SPIDR: variants seen among roughly 807,000 people sequenced by gnomAD.
The protein encoded by SPIDR is DNA repair-scaffolding protein.
A neutral mutation model predicts 104.6 loss-of-function variants in SPIDR; 93 were observed. That is an observed-to-expected ratio of 0.89 (90% confidence interval 0.75 to 1.06). SPIDR has a LOEUF of 1.06. Among genes scored for constraint, SPIDR ranks in the 50% least tolerant of loss-of-function variants. SPIDR has a pLI of 0.00. For missense variants in SPIDR, 1,154 were observed against 1,111.2 expected (o/e 1.04, Z -0.55); for synonymous variants, 431 against 416.9 (o/e 1.03, Z -0.41).
At chr8:47,565,060 A>G (rs1398527126) in intron 8 of SPIDR, among the ~76,000 whole-genome samples, 1 of 152,150 alleles carries the variant, frequency 6.6e-6, no homozygotes, top group Non-Finnish European at 1.5e-5. Context: ...CAGCCTGACC[A>G]ACATGGAGAA....
intron 8 of SPIDR, among the ~76,000 whole-genome samples, chr8:47,490,788 T>G (rs1391508283): frequency 1.3e-5 from 2 of 151,982 alleles, no homozygotes; most frequent in Non-Finnish European, 2.9e-5. Flanking sequence ...TAGGTGAGAA[T>G]TGGAAAATGA....
Position 47,326,512 on chromosome 8 carries a change from C to G in SPIDR, c.525+32482C>G, listed in dbSNP as rs552994987. ...TTCAAAAGTGAATAATTCAGTGGCA[C>G]TTGGTGGATTCACAAAGTTTTGCAA... On this transcript the variant is annotated intron_variant, in intron 5 of 19. Transcript: ENST00000297423. Among the ~76,000 whole-genome samples the G allele has an allele frequency of 1.4e-4, 22 of 152,328 alleles. No individual in the cohort carries two copies. In the South Asian group the frequency reaches 4.6e-3, roughly 32 times the overall value.
intron 5 of SPIDR, among the ~76,000 whole-genome samples, chr8:47,347,905 T>C: frequency 6.6e-6 from 1 of 152,188 alleles, no homozygotes. Flanking sequence ...CTATCCAATT[T>C]GCTCGTCTGT....
chr8:47,689,197 C>T (rs1028500026), intron 11 of SPIDR, among the ~76,000 whole-genome samples: 5 of 152,174 alleles, frequency 3.3e-5, no homozygotes, highest in African/African-American at 1.2e-4. Flanking sequence ...TGTAACTGGA[C>T]TTGTTTTCAT....
rs781932865 is a variant in SPIDR, at chr8:47,396,496, G to A, written c.646G>A (p.Ala216Thr). The A allele has an allele frequency of 4.3e-6, 7 of 1,614,018 alleles. No homozygotes were observed. Among genetic ancestry groups the A allele is most frequent in the Non-Finnish European group, 5.9e-6 (7 of 1,180,022 alleles). Residue 216 changes from alanine (A) to threonine (T), a missense_variant, in exon 6 of 20, where the codon GCA (alanine) becomes ACA (threonine). Physicochemically the swap from Ala to Thr is moderately conservative, Grantham distance 58 (BLOSUM62 0). Transcript: ENST00000297423. ...ATACCACGTGCAGTTTGCATCGGAT[G>A]CAAGACAGATTATGGAGAGACTGAT... ...HKYHVQFASD[A>T]RQIMERLIDP...
intron 5 of SPIDR, among the ~76,000 whole-genome samples, chr8:47,310,401 C>A (rs1386250870): frequency 6.7e-6 from 1 of 149,154 alleles, no homozygotes; most frequent in Non-Finnish European, 1.5e-5. Flanking sequence ...ATAAACAATT[C>A]TTTGGAGTTG....
intron 19 of SPIDR, among the ~76,000 whole-genome samples, 166 bp from the exon 20 acceptor site, chr8:47,735,141 C>T (rs946332305): frequency 2.7e-5 from 4 of 150,288 alleles, no homozygotes; most frequent in Admixed American, 1.3e-4. Flanking sequence ...TGTGTAGTGG[C>T]TCTTCATTTG....
intron 5 of SPIDR, among the ~76,000 whole-genome samples, chr8:47,364,160 A>G (rs952106411): frequency 6.6e-6 from 1 of 152,230 alleles, no homozygotes; most frequent in Admixed American, 6.5e-5. Context: ...TATTTTGTAC[A>G]TTTTGCCTAG....
intron 8 of SPIDR, among the ~76,000 whole-genome samples, chr8:47,583,969 CCT>C (rs1478331450): frequency 6.6e-6 from 1 of 152,198 alleles, no homozygotes; most frequent in African/African-American, 2.4e-5. Context: ...TTCCCAGTCC[CCT>C]GTCACCGTGT....
At chr8:47,700,811 A>G (rs1202748900) in intron 12 of SPIDR, among the ~76,000 whole-genome samples, 1 of 152,244 alleles carries the variant, frequency 6.6e-6, no homozygotes, top group East Asian at 1.9e-4. Flanking sequence ...TAAAGTAAAC[A>G]TATAGAATTT....
At chr8:47,628,873 A>G (rs1049296244) in intron 10 of SPIDR, among the ~76,000 whole-genome samples, 7 of 152,220 alleles carry the variant, frequency 4.6e-5, no homozygotes, top group Non-Finnish European at 7.3e-5. Flanking sequence ...CAACTTAGCC[A>G]ATATTCTCAA....
chr8:47,339,931 G>A (rs531233984), intron 5 of SPIDR, among the ~76,000 whole-genome samples: 10 of 151,794 alleles, frequency 6.6e-5, no homozygotes, highest in South Asian at 2.1e-4. Context: ...CACCTGCCTC[G>A]GCCTCCCAAA....
At chr8:47,419,696 T>G (rs2065057316) in intron 7 of SPIDR, among the ~76,000 whole-genome samples, 1 of 152,200 alleles carries the variant, frequency 6.6e-6, no homozygotes, top group African/African-American at 2.4e-5. Context: ...TTCTAGTTCT[T>G]TTAATTGTGA....
At chr8:47,579,994 C>T (rs2059547921) in intron 8 of SPIDR, among the ~76,000 whole-genome samples, 2 of 152,172 alleles carry the variant, frequency 1.3e-5, no homozygotes, top group African/African-American at 4.8e-5. Flanking sequence ...TAGTGGTATA[C>T]AATTAGTTGG....
At chr8:47,502,215 G>T (rs575522527) in intron 8 of SPIDR, among the ~76,000 whole-genome samples, 2 of 152,344 alleles carry the variant, frequency 1.3e-5, no homozygotes, top group South Asian at 4.1e-4. Flanking sequence ...CAGAAGGAAT[G>T]GTACCAGCTC....
intron 10 of SPIDR, among the ~76,000 whole-genome samples, chr8:47,648,586 A>G (rs1472214711): frequency 6.6e-6 from 1 of 152,208 alleles, no homozygotes; most frequent in East Asian, 1.9e-4. Flanking sequence ...GTCAGTAGCA[A>G]TGAGCACACC....
At chr8:47,361,050 A>G (rs1043470848) in intron 5 of SPIDR, 1 of 894,588 alleles carries the variant, frequency 1.1e-6, no homozygotes, top group Non-Finnish European at 1.3e-6. Context: ...AAAATGTTCA[A>G]CTGATAAATG....
intron 7 of SPIDR, among the ~76,000 whole-genome samples, chr8:47,437,483 C>T (rs540023333): frequency 1.3e-5 from 2 of 152,044 alleles, no homozygotes; most frequent in African/African-American, 4.8e-5. Context: ...TTTCTTAATC[C>T]AGTCTATCAT....
chr8:47,479,010 G>A (rs1554725256), intron 8 of SPIDR, among the ~76,000 whole-genome samples: 1 of 152,002 alleles, frequency 6.6e-6, no homozygotes, highest in African/African-American at 2.4e-5. Context: ...TTTTGGTTAG[G>A]AAGGTATTCA....
Sources: allele counts gnomAD v4.1 joint callset (sites outside exome capture counted in the v4.1 genomes callset), GRCh38; gene constraint gnomAD v4.1.1; transcripts MANE v1.5; gene names NCBI Gene and HGNC (gene_info 2026-07-23, HGNC 2026-07-21).